LRRTM3: variants seen among roughly 807,000 people sequenced by gnomAD.
LRRTM3 encodes the protein leucine rich repeat transmembrane neuronal 3, also known as leucine-rich repeat transmembrane neuronal protein 3.
In LRRTM3, 24 loss-of-function variants were observed where a neutral mutation model predicts 44.7. The ratio of observed to expected loss-of-function variants is 0.54; its 90% CI spans 0.39 to 0.76. LRRTM3 has a LOEUF of 0.76. Ranked by LOEUF, LRRTM3 falls within the 30% of genes least tolerant of loss-of-function variation. The probability of loss-of-function intolerance (pLI) is 0.00; values close to 1 mark genes in which losing one functional copy is unlikely to be tolerated. For missense variants in LRRTM3, 587 were observed against 702.2 expected (o/e 0.84, Z 1.85); for synonymous variants, 277 against 278.7 (o/e 0.99, Z 0.06).
At chr10:67,070,545 G>A (rs528982236) in intron 2 of LRRTM3, among the ~76,000 whole-genome samples, 4 of 151,982 alleles carry the variant, frequency 2.6e-5, no homozygotes, top group African/African-American at 9.7e-5. Flanking sequence ...TCCGGAGATC[G>A]AGACCATCTT....
At chr10:67,009,233 A>G (rs1174010096) in intron 2 of LRRTM3, among the ~76,000 whole-genome samples, 1 of 152,084 alleles carries the variant, frequency 6.6e-6, no homozygotes, top group Non-Finnish European at 1.5e-5. Context: ...TACAAATTAT[A>G]TTTATATTGG....
intron 2 of LRRTM3, among the ~76,000 whole-genome samples, chr10:67,064,862 T>C (rs1855972670): frequency 6.6e-6 from 1 of 152,216 alleles, no homozygotes; most frequent in African/African-American, 2.4e-5. Context: ...AGGAAATTTA[T>C]ATGTAAGTAT....
chr10:66,930,885 T>G (rs900340405), intron 2 of LRRTM3, among the ~76,000 whole-genome samples: 3 of 152,120 alleles, frequency 2.0e-5, no homozygotes, highest in Admixed American at 6.5e-5. Context: ...GGAAAAAAGT[T>G]CTTTCTTTCT....
At chr10:66,965,906 T>C (rs1234037924) in intron 2 of LRRTM3, among the ~76,000 whole-genome samples, 2 of 152,214 alleles carry the variant, frequency 1.3e-5, no homozygotes, top group East Asian at 3.9e-4. Flanking sequence ...TCCATCCTCC[T>C]TGGCAATTCC....
intron 2 of LRRTM3, among the ~76,000 whole-genome samples, chr10:67,058,002 C>A (rs898148134): frequency 6.6e-6 from 1 of 152,124 alleles, no homozygotes; most frequent in Admixed American, 6.6e-5. Flanking sequence ...TAAGTGATTG[C>A]GCAAAGTTCC....
intron 2 of LRRTM3, among the ~76,000 whole-genome samples, chr10:66,998,401 G>A (rs1459468084): frequency 1.3e-5 from 2 of 152,072 alleles, no homozygotes; most frequent in Non-Finnish European, 2.9e-5. Context: ...ATAAAATGTA[G>A]ACATAAATCA....
intron 2 of LRRTM3, among the ~76,000 whole-genome samples, chr10:67,041,867 T>C (rs568229579): frequency 2.8e-4 from 43 of 152,274 alleles, no homozygotes; most frequent in East Asian, 1.9e-4. Flanking sequence ...AATAAGGCTG[T>C]AATGATTCAT....
intron 2 of LRRTM3, among the ~76,000 whole-genome samples, chr10:67,075,518 C>A (rs1233441248): frequency 1.3e-5 from 2 of 152,166 alleles, no homozygotes; most frequent in Admixed American, 6.5e-5. Flanking sequence ...ACTTAAGATT[C>A]TCCAACGTCA....
At chr10:66,958,582 G>A (rs777206293) in intron 2 of LRRTM3, among the ~76,000 whole-genome samples, 3 of 151,976 alleles carry the variant, frequency 2.0e-5, no homozygotes, top group African/African-American at 7.3e-5. Flanking sequence ...GTAAGTAAGC[G>A]AATCCTGCCA....
chr10:66,996,871 A>T (rs1851382493), intron 2 of LRRTM3, among the ~76,000 whole-genome samples: 1 of 152,090 alleles, frequency 6.6e-6, no homozygotes. Context: ...TAACATCTGT[A>T]AATGTTCAGC....
At chr10:67,087,824 C>A (rs1857393478) in intron 2 of LRRTM3, among the ~76,000 whole-genome samples, 2 of 152,024 alleles carry the variant, frequency 1.3e-5, no homozygotes. Flanking sequence ...TATTAACTAA[C>A]CCTTACTCTT....
At chr10:66,950,992 T>A (rs1372322787) in intron 2 of LRRTM3, among the ~76,000 whole-genome samples, 1 of 152,158 alleles carries the variant, frequency 6.6e-6, no homozygotes, top group Non-Finnish European at 1.5e-5. Context: ...TTCCTCTGAA[T>A]AGATGGTATG....
At chr10:67,043,063 A>G (rs1271097895) in intron 2 of LRRTM3, among the ~76,000 whole-genome samples, 1 of 152,090 alleles carries the variant, frequency 6.6e-6, no homozygotes, top group African/African-American at 2.4e-5. Context: ...GTCAGGAAAT[A>G]CAGATATAAA....
intron 2 of LRRTM3, among the ~76,000 whole-genome samples, chr10:67,071,847 T>C (rs1363314068): frequency 1.3e-5 from 2 of 152,240 alleles, no homozygotes; most frequent in East Asian, 1.9e-4. Flanking sequence ...ACTAAACTTG[T>C]ATTATACTGT....
At position 66,967,299 on chromosome 10, in the gene LRRTM3, T is replaced by C. The variant is rs1038964005; in HGVS notation, c.1536+38847T>C. Among the ~76,000 whole-genome samples, 63 of 151,694 alleles carry C rather than the reference T, an allele frequency of 4.2e-4. 1 individual carries two copies. Among genetic ancestry groups the C allele is most frequent in the African/African-American group, 1.4e-3 (57 of 41,342 alleles). On this transcript the variant is annotated intron_variant, in intron 2 of 2. Transcript: ENST00000361320. Reference sequence around the variant, plus strand: ...TCATCTGCTAGTGGATAGATATAGATATAGGTATAGATAGATATAGATATG... The same window carrying C: ...TCATCTGCTAGTGGATAGATATAGACATAGGTATAGATAGATATAGATATG...
chr10:67,055,451 A>G (rs1160407386), intron 2 of LRRTM3, among the ~76,000 whole-genome samples: 2 of 152,180 alleles, frequency 1.3e-5, no homozygotes, highest in Non-Finnish European at 2.9e-5. Flanking sequence ...ATAATTAACA[A>G]AGCAAATAGG....
At chr10:67,036,115 A>G (rs1169844688) in intron 2 of LRRTM3, among the ~76,000 whole-genome samples, 1 of 152,124 alleles carries the variant, frequency 6.6e-6, no homozygotes, top group Non-Finnish European at 1.5e-5. Context: ...GATAGTCTCA[A>G]TTATAATTGT....
chr10:66,928,109 C>A lies in LRRTM3; in HGVS notation c.1193C>A (p.Thr398Lys), dbSNP rs1406857994. Residue 398 changes from threonine (T) to lysine (K), a missense_variant, in exon 2 of 3, where the codon ACG (threonine) becomes AAG (lysine). By Grantham distance (78) the Thr-to-Lys change is moderately conservative. Around this residue, in one of 3 missense-constraint regions of LRRTM3, gnomAD observed 315 missense variants for 335.6 expected, o/e 0.94. Coordinates refer to ENST00000361320, the MANE Select transcript of LRRTM3 (RefSeq NM_178011.5). ...KHESKPPLPP[T>K]VGATEPGPET... ...GAGAGCAAACCCCCTTTGCCCCCGA[C>A]GGTGGGAGCCACAGAGCCCGGCCCA... The A allele has an allele frequency of 6.2e-7, 1 of 1,614,072 alleles. No homozygotes were observed. The highest frequency in any genetic ancestry group is 1.1e-5 in the South Asian group (1 of 91,082).
Position 66,928,073 on chromosome 10 carries a change from G to C in LRRTM3, c.1157G>C (p.Arg386Thr). 1 of 1,614,056 alleles carries C rather than the reference G, an allele frequency of 6.2e-7. No individual in the cohort carries two copies. The highest frequency in any genetic ancestry group is 8.5e-7 in the Non-Finnish European group (1 of 1,180,032). The change falls in exon 2 of 3, where the codon AGG (arginine) becomes ACG (threonine). Residue 386 changes from arginine to threonine, a missense_variant. Coordinates refer to ENST00000361320, the MANE Select transcript of LRRTM3 (RefSeq NM_178011.5). ...CCGACGTTTAAGCCCAAGCTCCCCA[G>C]GCCGAAGCATGAGAGCAAACCCCCT... The part of the protein sequence containing the change: ...PKPTFKPKLP[R>T]PKHESKPPLP...
Sources: allele counts gnomAD v4.1 joint callset (sites outside exome capture counted in the v4.1 genomes callset), GRCh38; gene constraint gnomAD v4.1.1; regional missense constraint gnomAD v4.1.1; transcripts MANE v1.5; gene names NCBI Gene and HGNC (gene_info 2026-07-23, HGNC 2026-07-21).